PPP2R3A: variants seen among roughly 807,000 people sequenced by gnomAD.
PPP2R3A encodes the protein serine/threonine-protein phosphatase 2A regulatory subunit B'' subunit alpha.
Under a neutral mutation model 106.9 loss-of-function variants are expected in PPP2R3A, and 80 were observed. The ratio of observed to expected loss-of-function variants is 0.75; its 90% CI spans 0.62 to 0.90. The LOEUF is 0.90. Ranked by LOEUF, PPP2R3A falls within the 40% of genes least tolerant of loss-of-function variation. The probability of loss-of-function intolerance (pLI) is 0.00; values close to 1 mark genes in which losing one functional copy is unlikely to be tolerated. For synonymous variants in PPP2R3A, 483 were observed against 468.3 expected, an observed-to-expected ratio of 1.03 and a Z score of -0.41; for missense variants, 1,386 against 1,350.4, an observed-to-expected ratio of 1.03 and a Z score of -0.41.
chr3:136,118,884 T>C (rs1056141579), intron 13 of PPP2R3A, among the ~76,000 whole-genome samples: 28 of 152,134 alleles, frequency 1.8e-4, no homozygotes, highest in Non-Finnish European at 1.2e-4. Flanking sequence ...AAACTTCATA[T>C]GGAACCAAAA....
At chr3:136,097,678 T>A (rs930300706) in intron 10 of PPP2R3A, among the ~76,000 whole-genome samples, 3 of 152,234 alleles carry the variant, frequency 2.0e-5, no homozygotes, top group Non-Finnish European at 4.4e-5. Context: ...AAATCCTTGG[T>A]CAAAATCAAG....
rs1939105643 is a variant in PPP2R3A at position 136,145,991 on chromosome 3, G to C, written c.*825G>C. On this transcript the variant is annotated 3_prime_UTR_variant, in exon 14 of 14. Transcript: ENST00000264977. ...TAACTGTTTTCACTTCCTATCAGAA[G>C]GCCTGCTTGAAGACATAAAGGAATA... 1 of 151,974 alleles carries C rather than the reference G, an allele frequency of 6.6e-6. No individual in the cohort carries two copies. The highest frequency in any genetic ancestry group is 1.5e-5 in the Non-Finnish European group (1 of 67,982). 9.4% of individuals were successfully genotyped at this position (151,974 alleles called of 1,614,324 possible).
intron 13 of PPP2R3A, among the ~76,000 whole-genome samples, chr3:136,120,214 C>G (rs972230649): frequency 6.6e-6 from 1 of 152,026 alleles, no homozygotes; most frequent in African/African-American, 2.4e-5. Flanking sequence ...TGCAACAAAC[C>G]ACCATGGCAT....
chr3:135,975,977 G>A (rs1337969379), intron 1 of PPP2R3A, among the ~76,000 whole-genome samples: 1 of 152,042 alleles, frequency 6.6e-6, no homozygotes, highest in African/African-American at 2.4e-5. Flanking sequence ...TGTACAAAAT[G>A]GTATCTCCTT....
chr3:135,976,590 A>C (rs1422915383), intron 1 of PPP2R3A, among the ~76,000 whole-genome samples: 2 of 152,226 alleles, frequency 1.3e-5, no homozygotes, highest in African/African-American at 2.4e-5. Flanking sequence ...AACTCTAGGT[A>C]AATAAACTCT....
rs149451802 is a variant in PPP2R3A, at chr3:136,007,847, G to A, written c.1995+4354G>A. Among the ~76,000 whole-genome samples, 34 of 152,262 alleles carry A rather than the reference G, an allele frequency of 2.2e-4. No homozygotes were observed. The East Asian group carries it at 3.5e-3, about 16-fold the overall frequency. On this transcript the variant is annotated intron_variant, in intron 2 of 13. Coordinates refer to ENST00000264977, the MANE Select transcript of PPP2R3A (RefSeq NM_002718.5). ...GGGTTGGAAAAGGATATTTCTGGCC[G>A]TTTAATTTTAGTACAATTGTTTGTT...
At chr3:136,034,021 T>TTTTTTC in intron 3 of PPP2R3A, among the ~76,000 whole-genome samples, 2 of 149,986 alleles carry the variant, frequency 1.3e-5, no homozygotes, top group East Asian at 2.0e-4. Context: ...CTTTCAGACT[T>TTTTTTC]TTTTTCTTTT....
Position 136,003,327 on chromosome 3 carries a change from C to A in PPP2R3A, c.1829C>A (p.Ser610Ter). 6.2e-7 allele frequency: 1 copy of A among 1,613,922 alleles called. No individual in the cohort carries two copies. The highest frequency in any genetic ancestry group is 1.1e-5 in the South Asian group (1 of 91,064). The change falls in exon 2 of 14, where the codon TCA (serine) becomes TAA (stop). Residue 610 changes from serine to a stop codon, truncating the protein, a stop_gained. Transcript: ENST00000264977. LOFTEE classifies it high-confidence loss of function. Reference protein sequence around the residue: ...DFAQELVECKSSRGSLSQEKE... With the variant: ...DFAQELVECK ...GCTCAAGAACTAGTTGAATGCAAATCAAGCAGAGGGAGCCTATCACAAGAA... is the reference window on the plus strand; with the variant it reads ...GCTCAAGAACTAGTTGAATGCAAATAAAGCAGAGGGAGCCTATCACAAGAA...
intron 5 of PPP2R3A, among the ~76,000 whole-genome samples, chr3:136,052,568 A>T (rs1935720338): frequency 6.6e-6 from 1 of 152,174 alleles, no homozygotes; most frequent in Admixed American, 6.5e-5. Context: ...TGAAAGCTTC[A>T]TACAGTGAAT....
At chr3:136,087,486 A>G (rs1254326304) in intron 8 of PPP2R3A, 1 of 155,650 alleles carries the variant, frequency 6.4e-6, no homozygotes, top group Admixed American at 6.5e-5. Flanking sequence ...CCATTGTTTT[A>G]ACTTCGTTTT....
At chr3:135,997,972 T>TA (rs1394296849) in intron 1 of PPP2R3A, among the ~76,000 whole-genome samples, 2 of 152,240 alleles carry the variant, frequency 1.3e-5, no homozygotes, top group Non-Finnish European at 2.9e-5. Flanking sequence ...GTGTTACTCT[T>TA]ACTCTCTAGC....
chr3:136,036,318 G>C (rs190486395), intron 3 of PPP2R3A, among the ~76,000 whole-genome samples: 118 of 152,276 alleles, frequency 7.7e-4, no homozygotes, highest in East Asian at 7.1e-3. Flanking sequence ...ACCAGAGTTG[G>C]TTTTCTGGTT....
At position 136,048,917 on chromosome 3, in the gene PPP2R3A, T is replaced by C. The variant is rs148520583; in HGVS notation, c.2367-342T>C. The stretch of plus-strand genomic sequence containing the variant: ...ACTCCCAAGTTTCTAGCTTGAACCA[T>C]TGGGTGCTTGGAATACTAGATGAGG... On this transcript the variant is annotated intron_variant, in intron 4 of 13. Transcript: ENST00000264977. 2.3e-3 allele frequency among the ~76,000 whole-genome samples: 350 copies of C among 152,100 alleles called. 1 individual carries two copies. The highest frequency in any genetic ancestry group is 8.0e-3 in the African/African-American group (330 of 41,500).
chr3:136,015,141 A>G (rs1023207866), intron 2 of PPP2R3A, among the ~76,000 whole-genome samples: 1 of 152,102 alleles, frequency 6.6e-6, no homozygotes, highest in East Asian at 1.9e-4. Flanking sequence ...TGACTTGTGT[A>G]TATTAAGTAA....
intron 10 of PPP2R3A, among the ~76,000 whole-genome samples, chr3:136,101,336 G>C (rs191610804): frequency 6.6e-6 from 1 of 152,186 alleles, no homozygotes; most frequent in African/African-American, 2.4e-5. Context: ...TGAGAAGGGC[G>C]TGTAGGTAAA....
intron 13 of PPP2R3A, among the ~76,000 whole-genome samples, chr3:136,136,075 T>TAAAA (rs1559940364): frequency 7.7e-4 from 6 of 7,758 alleles, no homozygotes; most frequent in Non-Finnish European, 1.3e-3. Flanking sequence ...AAAAAAAAAT[T>TAAAA]ATATATATAT....
chr3:136,021,514 A>G (rs1934464719), intron 2 of PPP2R3A, among the ~76,000 whole-genome samples: 1 of 152,150 alleles, frequency 6.6e-6, no homozygotes, highest in Admixed American at 6.5e-5. Context: ...TCAGTGGGAA[A>G]AAGCAGACTT....
At chr3:135,994,276 G>C (rs1165003315) in intron 1 of PPP2R3A, among the ~76,000 whole-genome samples, 2 of 152,140 alleles carry the variant, frequency 1.3e-5, no homozygotes, top group Non-Finnish European at 2.9e-5. Flanking sequence ...GGTTTTTGGT[G>C]ACCTGGGCCT....
chr3:135,984,799 A>C (rs1453345102), intron 1 of PPP2R3A, among the ~76,000 whole-genome samples: 1 of 152,190 alleles, frequency 6.6e-6, no homozygotes, highest in Non-Finnish European at 1.5e-5. Context: ...GGCAATTTAC[A>C]AAAGAAAGAG....
Sources: gnomAD v4.1 joint callset for allele counts (sites outside exome capture counted in the v4.1 genomes callset) on GRCh38, gnomAD v4.1.1 for gene constraint, MANE v1.5 for transcripts, NCBI Gene and HGNC (gene_info 2026-07-23, HGNC 2026-07-21) for gene names.